ATP8A2: variants seen among roughly 807,000 people sequenced by gnomAD.
The protein encoded by ATP8A2 is ATPase phospholipid transporting 8A2, also known as phospholipid-transporting ATPase IB.
In ATP8A2, 100 loss-of-function variants were observed where a neutral mutation model predicts 165.6. The observed-to-expected ratio is 0.60, with a 90% CI of 0.51 to 0.71. ATP8A2 has a LOEUF of 0.71. ATP8A2 is among the 30% of genes least tolerant of loss of function. The pLI is 0.00. For missense variants in ATP8A2, 1,227 were observed against 1,479.5 expected (o/e 0.83, Z 2.80); for synonymous variants, 543 against 548.8 (o/e 0.99, Z 0.15).
chr13:25,589,529 G>C (rs1034015238), intron 23 of ATP8A2, 106 bp from the exon 24 acceptor site: 4 of 775,908 alleles, frequency 5.2e-6, no homozygotes, highest in Non-Finnish European at 9.0e-6. Context: ...CTATTCCTCT[G>C]TGTGAGCCAA....
chr13:25,989,159 G>T (rs1956333129), intron 35 of ATP8A2, among the ~76,000 whole-genome samples: 1 of 152,198 alleles, frequency 6.6e-6, no homozygotes, highest in South Asian at 2.1e-4. Context: ...AGCCAGCTTT[G>T]AATTATTCTG....
At chr13:25,539,635 A>G (rs1306817548) in intron 7 of ATP8A2, among the ~76,000 whole-genome samples, 1 of 152,164 alleles carries the variant, frequency 6.6e-6, no homozygotes, top group Non-Finnish European at 1.5e-5. Flanking sequence ...TATAGCCCAT[A>G]AAGGTAGTGC....
intron 24 of ATP8A2, among the ~76,000 whole-genome samples, chr13:25,652,651 G>GA (rs1390614517): frequency 6.6e-6 from 1 of 152,108 alleles, no homozygotes; most frequent in Non-Finnish European, 1.5e-5. Context: ...GTAAACTTGT[G>GA]TTGTTACATA....
intron 16 of ATP8A2, among the ~76,000 whole-genome samples, chr13:25,565,589 T>G (rs1486963524): frequency 1.3e-5 from 2 of 152,190 alleles, no homozygotes; most frequent in South Asian, 2.1e-4. Flanking sequence ...TGTTTTTTTC[T>G]TACTGATTTG....
chr13:25,750,740 G>A lies in ATP8A2; in HGVS notation c.2385-18306G>A, dbSNP rs766607395. Among the ~76,000 whole-genome samples, 6 of 152,116 alleles carry A rather than the reference G, an allele frequency of 3.9e-5. No individual in the cohort carries two copies. Among genetic ancestry groups the A allele is most frequent in the African/African-American group, 7.2e-5 (3 of 41,416 alleles). Reference sequence around the variant, plus strand: ...AGCACATGGGCATCAAAAAGCTTGCGAAGAAAAGTCCTCTTCTGCTCGATG... The same window carrying A: ...AGCACATGGGCATCAAAAAGCTTGCAAAGAAAAGTCCTCTTCTGCTCGATG... On this transcript the variant is annotated intron_variant, in intron 25 of 36. Transcript: ENST00000381655. The surrounding 1 kb of genome is among the most constrained non-coding windows in gnomAD (Gnocchi z 4.3).
intron 30 of ATP8A2, among the ~76,000 whole-genome samples, chr13:25,858,237 A>G (rs574290311): frequency 2.0e-5 from 3 of 152,216 alleles, no homozygotes; most frequent in African/African-American, 4.8e-5. Flanking sequence ...CTATTTGCTA[A>G]TACATCAGCA....
chr13:25,504,679 G>T (rs954323268), intron 2 of ATP8A2, among the ~76,000 whole-genome samples: 1 of 146,256 alleles, frequency 6.8e-6, no homozygotes, highest in African/African-American at 2.5e-5. Flanking sequence ...AGCGGAGCTT[G>T]CAGTGAGCCG....
At chr13:25,595,876 G>A (rs538711925) in intron 24 of ATP8A2, among the ~76,000 whole-genome samples, 48 of 152,252 alleles carry the variant, frequency 3.2e-4, no homozygotes, top group African/African-American at 1.1e-3. Context: ...TGAAGGTCAA[G>A]GGATTTGGAT....
chr13:25,389,517 GAGTGGT>G (rs1441973312), intron 1 of ATP8A2, among the ~76,000 whole-genome samples: 1 of 152,216 alleles, frequency 6.6e-6, no homozygotes, highest in East Asian at 1.9e-4. Flanking sequence ...TGAAATATAC[GAGTGGT>G]TGACTTAGAC....
chr13:25,942,843 C>T (rs532803149), intron 33 of ATP8A2, among the ~76,000 whole-genome samples: 23 of 152,328 alleles, frequency 1.5e-4, no homozygotes, highest in Non-Finnish European at 2.6e-4. Flanking sequence ...TCACTGTGAG[C>T]TCTGTGCTCT....
intron 33 of ATP8A2, among the ~76,000 whole-genome samples, chr13:25,893,512 C>G (rs1336951318): frequency 6.8e-6 from 1 of 147,832 alleles, no homozygotes; most frequent in East Asian, 2.0e-4. Context: ...AATAAACATA[C>G]GTGTGCATGT....
intron 1 of ATP8A2, among the ~76,000 whole-genome samples, chr13:25,441,040 A>G (rs1205924739): frequency 2.6e-5 from 4 of 152,338 alleles, no homozygotes; most frequent in African/African-American, 9.6e-5. Context: ...TTCAGGAGTC[A>G]TCAAAAGGAA....
At chr13:25,393,250 C>A (rs1044405470) in intron 1 of ATP8A2, among the ~76,000 whole-genome samples, 1 of 151,484 alleles carries the variant, frequency 6.6e-6, no homozygotes, top group African/African-American at 2.4e-5. Context: ...TTGCTTCAGT[C>A]TCCTGAGTAT....
At chr13:25,834,982 A>AAGTG (rs1198371559) in intron 28 of ATP8A2, among the ~76,000 whole-genome samples, 1 of 69,026 alleles carries the variant, frequency 1.4e-5, no homozygotes, top group East Asian at 7.3e-4. Context: ...ATGATCCCTA[A>AAGTG]CGTGTGTGTG....
At chr13:25,755,932 A>T (rs1257658126) in intron 25 of ATP8A2, among the ~76,000 whole-genome samples, 1 of 152,202 alleles carries the variant, frequency 6.6e-6, no homozygotes, top group Non-Finnish European at 1.5e-5. Context: ...ATAGAATTTG[A>T]CACATAGACA....
rs375931942 is a variant in ATP8A2 at position 25,942,101 on chromosome 13, C to A, written c.3184-19474C>A. On this transcript the variant is annotated intron_variant, in intron 33 of 36. Coordinates refer to ENST00000381655, the MANE Select transcript of ATP8A2 (RefSeq NM_016529.6). Reference sequence around the variant, plus strand: ...CCTCAACACTGGGTTTAAAAAAAAACAACTGTTTTTGAAGTTTATCATAGT... The same window carrying A: ...CCTCAACACTGGGTTTAAAAAAAAAAAACTGTTTTTGAAGTTTATCATAGT... Among the ~76,000 whole-genome samples the A allele has an allele frequency of 1.6e-4, 25 of 152,150 alleles. No individual in the cohort carries two copies. The East Asian group carries it at 2.1e-3, about 13-fold the overall frequency.
intron 18 of ATP8A2, 25 bp downstream of exon 18, chr13:25,571,717 T>C: frequency 6.4e-7 from 1 of 1,568,572 alleles, no homozygotes; most frequent in Non-Finnish European, 8.8e-7. Context: ...TGTGCACATT[T>C]CAGATCACCT....
At chr13:25,428,397 A>G (rs1159566830) in intron 1 of ATP8A2, among the ~76,000 whole-genome samples, 1 of 152,188 alleles carries the variant, frequency 6.6e-6, no homozygotes. Flanking sequence ...TGGAGCACCG[A>G]ATGCTAGATG....
chr13:25,837,108 T>C, intron 28 of ATP8A2, 55 bp from the exon 29 acceptor site: 1 of 1,588,976 alleles, frequency 6.3e-7, no homozygotes. Context: ...AAGGGAACAA[T>C]GAAGCCGTGT....
Sources: gnomAD v4.1 joint callset for allele counts (sites outside exome capture counted in the v4.1 genomes callset) on GRCh38, gnomAD v4.1.1 for gene constraint, Gnocchi (gnomAD v3.1) non-coding constraint, MANE v1.5 for transcripts, NCBI Gene and HGNC (gene_info 2026-07-23, HGNC 2026-07-21) for gene names.